SRD5A3: variants seen among roughly 807,000 people sequenced by gnomAD.
The protein encoded by SRD5A3 is steroid 5 alpha-reductase 3.
A neutral mutation model predicts 34.3 loss-of-function variants in SRD5A3; 24 were observed. The ratio of observed to expected loss-of-function variants is 0.70; its 90% CI spans 0.51 to 0.99. The LOEUF (loss-of-function observed/expected upper bound fraction) is 0.99, where lower values mean the gene tolerates loss of function less well. SRD5A3 is among the 50% of genes least tolerant of loss of function. SRD5A3 has a pLI of 0.00. For synonymous variants in SRD5A3, 161 were observed against 167.3 expected, an observed-to-expected ratio of 0.96 and a Z score of 0.29; for missense variants, 350 against 388.2, an observed-to-expected ratio of 0.90 and a Z score of 0.83.
At chr4:55,349,007 T>C (rs564589707) in intron 1 of SRD5A3, among the ~76,000 whole-genome samples, 1 of 152,348 alleles carries the variant, frequency 6.6e-6, no homozygotes, top group African/African-American at 2.4e-5. Flanking sequence ...TATGTGAATA[T>C]TTTTCCTGTG....
At chr4:55,349,086 A>G (rs745391205) in intron 1 of SRD5A3, among the ~76,000 whole-genome samples, 38 of 152,100 alleles carry the variant, frequency 2.5e-4, no homozygotes, top group Non-Finnish European at 4.9e-4. Context: ...CCAGGCTGGA[A>G]CGTAGTGGCT....
rs150237666 is a variant in SRD5A3, at chr4:55,361,256, C to G, written c.364+1768C>G. On this transcript the variant is annotated intron_variant, in intron 2 of 4. Transcript: ENST00000264228. Reference sequence around the variant, plus strand: ...CAGCACTTCAGGAGGCTGAGGTGAGCAGATCACTTGAGGTCAAGAATTCAA... The same window carrying G: ...CAGCACTTCAGGAGGCTGAGGTGAGGAGATCACTTGAGGTCAAGAATTCAA... Among the ~76,000 whole-genome samples, 281 of 151,940 alleles carry G rather than the reference C, an allele frequency of 1.8e-3. 1 individual carries two copies. The highest frequency in any genetic ancestry group is 2.9e-3 in the Non-Finnish European group (198 of 67,936).
intron 4 of SRD5A3, among the ~76,000 whole-genome samples, chr4:55,368,695 G>A (rs1293501456): frequency 4.6e-5 from 7 of 151,062 alleles, no homozygotes; most frequent in Non-Finnish European, 8.8e-5. Context: ...CAAAGTGCTG[G>A]GATTACAGGC....
intron 1 of SRD5A3, among the ~76,000 whole-genome samples, chr4:55,353,777 A>G (rs927711086): frequency 2.0e-5 from 3 of 152,176 alleles, no homozygotes; most frequent in Non-Finnish European, 2.9e-5. Context: ...CCTGAAGTCA[A>G]GCGCAACACA....
At chr4:55,351,010 C>T (rs931236894) in intron 1 of SRD5A3, among the ~76,000 whole-genome samples, 3 of 152,090 alleles carry the variant, frequency 2.0e-5, no homozygotes, top group Non-Finnish European at 4.4e-5. Context: ...AGATGATCCG[C>T]CCACCTTGGC....
At chr4:55,360,650 G>A (rs13114397) in intron 2 of SRD5A3, among the ~76,000 whole-genome samples, 1 of 150,616 alleles carries the variant, frequency 6.6e-6, no homozygotes, top group East Asian at 2.0e-4. Context: ...TAGCCTTTAA[G>A]TTTGCCATCC....
chr4:55,367,226 A>C (rs1434819701), intron 3 of SRD5A3: 1 of 303,100 alleles, frequency 3.3e-6, no homozygotes, highest in Admixed American at 4.6e-5. Context: ...AAGGAATCTT[A>C]CCATTCGAAA....
intron 2 of SRD5A3, among the ~76,000 whole-genome samples, chr4:55,360,687 CGT>C (rs1491345257): frequency 8.1e-6 from 1 of 123,202 alleles, no homozygotes; most frequent in African/African-American, 2.8e-5. Flanking sequence ...GAATATGGAA[CGT>C]TTTTTTTTTT....
At chr4:55,367,543 C>T (rs1411807484) in intron 3 of SRD5A3, 45 bp from the exon 4 acceptor site, 2 of 1,608,596 alleles carry the variant, frequency 1.2e-6, no homozygotes, top group African/African-American at 2.7e-5. Flanking sequence ...ATTCCCTGAG[C>T]CTGTGAAATT....
In SRD5A3 at chr4:55,370,827, G is replaced by A. The variant is rs975344077; in HGVS notation, c.*736G>A. ...GAGCCCAGGAGGTCAAGGGTACAGT[G>A]AGCCGAGGTCATGCCACTGCACTCC... On this transcript the variant is annotated 3_prime_UTR_variant, in exon 5 of 5. Transcript: ENST00000264228. The A allele has an allele frequency of 1.3e-5, 2 of 152,318 alleles. No individual in the cohort carries two copies. Among genetic ancestry groups the A allele is most frequent in the Admixed American group, 6.5e-5 (1 of 15,278 alleles). 9.4% of individuals were successfully genotyped at this position (152,318 alleles called of 1,614,324 possible).
chr4:55,356,735 A>AG (rs1719477400), intron 1 of SRD5A3, among the ~76,000 whole-genome samples: 1 of 151,496 alleles, frequency 6.6e-6, no homozygotes, highest in Non-Finnish European at 1.5e-5. Context: ...TTTGAGATGG[A>AG]GTCTCGCTCT....
At chr4:55,354,966 C>T (rs1426898889) in intron 1 of SRD5A3, among the ~76,000 whole-genome samples, 1 of 152,236 alleles carries the variant, frequency 6.6e-6, no homozygotes, top group Non-Finnish European at 1.5e-5. Flanking sequence ...GCTCATTCAG[C>T]ACCTTGTATT....
At position 55,370,176 on chromosome 4, in the gene SRD5A3, C is replaced by G; in HGVS notation, c.*85C>G. 3.8e-6 allele frequency: 6 copies of G among 1,565,272 alleles called. No individual in the cohort carries two copies. The highest frequency in any genetic ancestry group is 5.2e-6 in the Non-Finnish European group (6 of 1,145,428). ...AAGTCTGGAGCCCAAAGTACAGTTT[C>G]AGCAAAGCTGTTTGAAACTCTCCAT... On this transcript the variant is annotated 3_prime_UTR_variant, in exon 5 of 5. Coordinates refer to ENST00000264228, the MANE Select transcript of SRD5A3 (RefSeq NM_024592.5).
chr4:55,364,472 A>T, intron 3 of SRD5A3: 1 of 601,106 alleles, frequency 1.7e-6, no homozygotes, highest in South Asian at 1.8e-5. Context: ...CCACTTTGGG[A>T]GGCTGAGGCA....
chr4:55,356,700 T>TTTTATTTA (rs71194543), intron 1 of SRD5A3, among the ~76,000 whole-genome samples: 4 of 151,378 alleles, frequency 2.6e-5, no homozygotes, highest in Non-Finnish European at 4.4e-5. Context: ...TAGAGGGATT[T>TTTTATTTA]TTTATTTATT....
rs949434341 is a variant in SRD5A3 at position 55,346,424 on chromosome 4, C to T, written c.88C>T (p.Leu30=). Reference sequence around the variant, plus strand: ...GCTGACCGCCGCCTTCCTGCTGACCCTACTGCTGCAGCTCCTGCCGCCCGG... The same window carrying T: ...GCTGACCGCCGCCTTCCTGCTGACCTTACTGCTGCAGCTCCTGCCGCCCGG... ...LTLTAAFLLT[L]LLQLLPPGLL... Residue 30 remains leucine (L), a synonymous_variant, in exon 1 of 5, where the codon CTA becomes TTA. Coordinates refer to ENST00000264228, the MANE Select transcript of SRD5A3 (RefSeq NM_024592.5). The T allele has an allele frequency of 6.2e-7, 1 of 1,603,058 alleles. No homozygotes were observed. Among genetic ancestry groups the T allele is most frequent in the African/African-American group, 1.4e-5 (1 of 73,952 alleles).
chr4:55,349,814 G>A (rs1051077279), intron 1 of SRD5A3, among the ~76,000 whole-genome samples: 11 of 152,174 alleles, frequency 7.2e-5, no homozygotes, highest in Admixed American at 1.3e-4. Context: ...CAGAGGATCT[G>A]TGGATAGAAT....
chr4:55,352,979 T>G lies in SRD5A3; in HGVS notation c.222-6367T>G, dbSNP rs531956029. On this transcript the variant is annotated intron_variant, in intron 1 of 4. Coordinates refer to ENST00000264228, the MANE Select transcript of SRD5A3 (RefSeq NM_024592.5). ...TAGCTCGCCAGGGCCTTGCAGCCTA[T>G]GCTAGAATTTGAATGTTATTTTGAG... Among the ~76,000 whole-genome samples, 4 of 152,272 alleles carry G rather than the reference T, an allele frequency of 2.6e-5. No individual in the cohort carries two copies. In the East Asian group the frequency reaches 7.7e-4, roughly 29 times the overall value.
At chr4:55,363,463 A>G (rs1490545132) in intron 2 of SRD5A3, among the ~76,000 whole-genome samples, 1 of 152,102 alleles carries the variant, frequency 6.6e-6, no homozygotes, top group Non-Finnish European at 1.5e-5. Context: ...CATAAAATTA[A>G]CCAAAAAATA....
Sources: allele counts gnomAD v4.1 joint callset (sites outside exome capture counted in the v4.1 genomes callset), GRCh38; gene constraint gnomAD v4.1.1; transcripts MANE v1.5; gene names NCBI Gene and HGNC (gene_info 2026-07-23, HGNC 2026-07-21).